RPS6KA2: variants seen among roughly 807,000 people sequenced by gnomAD.
The protein encoded by RPS6KA2 is ribosomal protein S6 kinase A2.
Under a neutral mutation model 91.8 loss-of-function variants are expected in RPS6KA2, and 42 were observed. That is an observed-to-expected ratio of 0.46 (90% confidence interval 0.36 to 0.59). The LOEUF (loss-of-function observed/expected upper bound fraction) is 0.59. Ranked by LOEUF, RPS6KA2 falls within the 20% of genes least tolerant of loss-of-function variation. The probability of loss-of-function intolerance (pLI) is 0.00; values close to 1 mark genes in which losing one functional copy is unlikely to be tolerated. For synonymous variants in RPS6KA2, 414 were observed against 393.6 expected, an observed-to-expected ratio of 1.05 and a Z score of -0.61; for missense variants, 798 against 978.5, an observed-to-expected ratio of 0.82 and a Z score of 2.46.
At chr6:166,780,530 G>A (rs6456125) in intron 2 of RPS6KA2, among the ~76,000 whole-genome samples, 32,347 of 152,060 alleles carry the variant, frequency 0.21, 4,215 homozygotes, top group African/African-American at 0.36. Context: ...GCCCAGTCTC[G>A]GTGCCTTGTT....
At position 166,639,248 on chromosome 6, in the gene RPS6KA2, CA is replaced by C. The variant is rs1456978099; in HGVS notation, c.124-100465del. ...AGGCATAACCATGTGCCCCGCTGCC[CA>C]AACCAGAAGGTAAGACTTACCGTGA... On this transcript the variant is annotated intron_variant, in intron 2 of 21. Coordinates refer to the RPS6KA2 transcript ENST00000503859. This position sits in a 1 kb window ranked among gnomAD's most constrained non-coding sequence, Gnocchi z 4.2. 2.6e-5 allele frequency among the ~76,000 whole-genome samples: 4 copies of C among 151,932 alleles called. No individual in the cohort carries two copies. Among genetic ancestry groups the C allele is most frequent in the Admixed American group, 2.0e-4 (3 of 15,262 alleles).
chr6:166,837,811 A>C (rs1780359848), intron 2 of RPS6KA2, among the ~76,000 whole-genome samples: 1 of 152,250 alleles, frequency 6.6e-6, no homozygotes, highest in South Asian at 2.1e-4. Context: ...CCAGGTTGTC[A>C]CTGCGTTCTA....
intron 1 of RPS6KA2, among the ~76,000 whole-genome samples, chr6:166,553,462 T>C (rs1784080778): frequency 6.7e-6 from 1 of 150,056 alleles, no homozygotes; most frequent in Non-Finnish European, 1.5e-5. Context: ...TTTTTTTTTT[T>C]CCTTAAACTC....
At chr6:166,436,584 C>A (rs1779316517) in intron 14 of RPS6KA2, among the ~76,000 whole-genome samples, 1 of 152,238 alleles carries the variant, frequency 6.6e-6, no homozygotes, top group Non-Finnish European at 1.5e-5. Context: ...CACTTCTCTT[C>A]CCACTCTTGT....
At chr6:166,538,896 C>G in intron 1 of RPS6KA2, 112 bp from the exon 2 acceptor site, 1 of 595,388 alleles carries the variant, frequency 1.7e-6, no homozygotes, top group Non-Finnish European at 3.1e-6. Context: ...CAGATTTTAG[C>G]GCTGGAGTTT....
chr6:166,559,392 C>T (rs1784274160), intron 1 of RPS6KA2, among the ~76,000 whole-genome samples: 1 of 152,152 alleles, frequency 6.6e-6, no homozygotes, highest in Admixed American at 6.5e-5. Flanking sequence ...AAGTGTGCAC[C>T]AGCCAAACAC....
chr6:166,548,424 A>T (rs2157484), intron 1 of RPS6KA2, among the ~76,000 whole-genome samples: 122,125 of 151,774 alleles, frequency 0.8, 49,388 homozygotes, highest in East Asian at 0.99. Context: ...GGGAGGAATC[A>T]CTCTACAGAT....
intron 1 of RPS6KA2, among the ~76,000 whole-genome samples, chr6:166,550,558 T>C (rs1313868840): frequency 1.3e-5 from 2 of 152,164 alleles, no homozygotes; most frequent in Non-Finnish European, 2.9e-5. Flanking sequence ...ATGGCGAACA[T>C]GGACGCCTGC....
intron 2 of RPS6KA2, among the ~76,000 whole-genome samples, chr6:166,718,499 A>G (rs557245658): frequency 2.0e-5 from 3 of 152,370 alleles, no homozygotes; most frequent in East Asian, 1.9e-4. Context: ...TTGTAAGGCC[A>G]TATCAAAATC....
intron 10 of RPS6KA2, among the ~76,000 whole-genome samples, chr6:166,476,634 G>C (rs1436469813): frequency 1.3e-5 from 2 of 152,156 alleles, no homozygotes; most frequent in Non-Finnish European, 2.9e-5. Context: ...GGGTGAGGAG[G>C]TCGAGAGGCA....
chr6:166,793,586 T>C (rs77303837), intron 2 of RPS6KA2, among the ~76,000 whole-genome samples: 48,129 of 145,454 alleles, frequency 0.33, 8,524 homozygotes, highest in African/African-American at 0.46. Flanking sequence ...AGGCATCACG[T>C]TACCTGACTT....
At chr6:166,744,383 CG>C (rs1790916017) in intron 2 of RPS6KA2, among the ~76,000 whole-genome samples, 5 of 152,228 alleles carry the variant, frequency 3.3e-5, no homozygotes, top group Non-Finnish European at 5.9e-5. Flanking sequence ...GACGCGGCCC[CG>C]GGCCCGGGGA....
chr6:166,696,085 C>T (rs967485713), intron 2 of RPS6KA2, among the ~76,000 whole-genome samples: 9 of 152,206 alleles, frequency 5.9e-5, no homozygotes, highest in Non-Finnish European at 5.9e-5. Flanking sequence ...TCCACGAAAC[C>T]GGTCCCTGAT....
At chr6:166,516,589 G>A (rs563229657) in intron 3 of RPS6KA2, among the ~76,000 whole-genome samples, 43 of 152,352 alleles carry the variant, frequency 2.8e-4, no homozygotes, top group Admixed American at 8.5e-4. Flanking sequence ...CACAGCCAAC[G>A]GGGCTGCCAT....
intron 2 of RPS6KA2, among the ~76,000 whole-genome samples, chr6:166,811,643 TAA>T (rs1779642554): frequency 6.6e-6 from 1 of 152,100 alleles, no homozygotes; most frequent in Non-Finnish European, 1.5e-5. Flanking sequence ...AAAATAAAAA[TAA>T]AAGTGTTTTA....
At chr6:166,462,959 TG>T (rs1157548506) in intron 11 of RPS6KA2, 2 of 152,290 alleles carry the variant, frequency 1.3e-5, no homozygotes, top group African/African-American at 4.8e-5. Flanking sequence ...GCCTGTTCAC[TG>T]GGGCCTGCAG....
At chr6:166,429,445 A>G (rs949577596) in intron 16 of RPS6KA2, among the ~76,000 whole-genome samples, 1 of 152,028 alleles carries the variant, frequency 6.6e-6, no homozygotes, top group Non-Finnish European at 1.5e-5. Flanking sequence ...ATAATAATAA[A>G]ATTAAAAAAA....
intron 2 of RPS6KA2, among the ~76,000 whole-genome samples, chr6:166,722,926 C>T (rs940210695): frequency 3.3e-5 from 5 of 152,204 alleles, no homozygotes; most frequent in Admixed American, 6.5e-5. Flanking sequence ...GGACTCATCA[C>T]AACTCGCGAG....
intron 2 of RPS6KA2, among the ~76,000 whole-genome samples, chr6:166,773,817 GA>G (rs908159709): frequency 4.0e-5 from 6 of 151,376 alleles, no homozygotes; most frequent in East Asian, 1.9e-4. Flanking sequence ...CCACCAGGAA[GA>G]AAAAAAAACT....
Sources: gnomAD v4.1 joint callset for allele counts (sites outside exome capture counted in the v4.1 genomes callset) on GRCh38, gnomAD v4.1.1 for gene constraint, Gnocchi (gnomAD v3.1) non-coding constraint, MANE v1.5 for transcripts, NCBI Gene and HGNC (gene_info 2026-07-23, HGNC 2026-07-21) for gene names.